The following PCDHGB2 variants were observed in gnomAD, a reference collection of about 807,000 sequenced individuals.
PCDHGB2 encodes protocadherin gamma subfamily B, 2.
A neutral mutation model predicts 59.3 loss-of-function variants in PCDHGB2; 55 were observed. That is an observed-to-expected ratio of 0.93 (90% confidence interval 0.75 to 1.16). PCDHGB2 has a LOEUF of 1.16. Ranked by LOEUF, PCDHGB2 falls within the 50% of genes most tolerant of loss-of-function variation. The pLI is 0.00. For missense variants in PCDHGB2, 1,228 were observed against 1,198.5 expected (o/e 1.02, Z -0.36); for synonymous variants, 516 against 512.0 (o/e 1.01, Z -0.11).
chr5:141,361,428 C>T lies in PCDHGB2; in HGVS notation c.1293C>T (p.Pro431=), dbSNP rs753837772. 5.0e-6 allele frequency: 8 copies of T among 1,614,050 alleles called. No individual in the cohort carries two copies. The African/African-American group carries it at 9.3e-5, about 19-fold the overall frequency. ...TITATDGGKP[P]LSSSIIVTLH... is the part of the protein sequence containing the mutation. ...CAGCCACCGACGGGGGCAAGCCGCCCCTCTCCTCCAGCATAATTGTCACCC... is the reference window on the plus strand; with the variant it reads ...CAGCCACCGACGGGGGCAAGCCGCCTCTCTCCTCCAGCATAATTGTCACCC... Residue 431 remains proline, a synonymous_variant, in exon 1 of 4, where the codon CCC becomes CCT. Transcript: ENST00000522605.
At position 141,360,524 on chromosome 5, in the gene PCDHGB2, C is replaced by A. The variant is rs750300207; in HGVS notation, c.389C>A (p.Thr130Asn). The A allele has an allele frequency of 1.2e-6, 2 of 1,613,860 alleles. No individual in the cohort carries two copies. Among genetic ancestry groups the A allele is most frequent in the Non-Finnish European group, 8.5e-7 (1 of 1,179,880 alleles). The change falls in exon 1 of 4, where the codon ACC becomes AAC. Residue 130 changes from threonine to asparagine, a missense_variant. Physicochemically the swap from Thr to Asn is moderately conservative, Grantham distance 65. Coordinates refer to ENST00000522605, the MANE Select transcript of PCDHGB2 (RefSeq NM_018923.3). Reference protein sequence around the residue: ...AVIVQDINDNTPLFKQTKINL... With the variant: ...AVIVQDINDNNPLFKQTKINL... ...ATTGTGCAGGATATAAATGATAATA[C>A]CCCGCTATTCAAACAGACTAAGATT...
rs760714983 is a variant in PCDHGB2 at position 141,389,956 on chromosome 5, T to C, written c.2421+27400T>C. 12 of 1,614,040 alleles carry C rather than the reference T, an allele frequency of 7.4e-6. No homozygotes were observed. In the South Asian group the frequency reaches 7.7e-5, roughly 10 times the overall value. ...CAGGCTGAGCTGCAGTTTTACCTAG[T>C]GGTGGCCTTGGCCTTGATCTCAGTG... is the stretch of plus-strand genomic sequence containing the variant. On this transcript the variant is annotated intron_variant, in intron 1 of 3. Coordinates refer to ENST00000522605, the MANE Select transcript of PCDHGB2 (RefSeq NM_018923.3).
At chr5:141,370,568 G>C in intron 1 of PCDHGB2, 1 of 1,613,930 alleles carries the variant, frequency 6.2e-7, no homozygotes, top group Non-Finnish European at 8.5e-7. Context: ...GGTTTGGCGT[G>C]GGGGATTTAC....
intron 1 of PCDHGB2, among the ~76,000 whole-genome samples, chr5:141,465,319 T>A (rs184635197): frequency 4.6e-5 from 7 of 152,324 alleles, no homozygotes; most frequent in Admixed American, 1.3e-4. Flanking sequence ...GCCATGTCAA[T>A]GCAGTATTTT....
In PCDHGB2 at chr5:141,491,158, GA is replaced by G; in HGVS notation, c.2422-3648del. On this transcript the variant is annotated intron_variant, in intron 1 of 3. Transcript: ENST00000522605. This position sits in a 1 kb window ranked among gnomAD's most constrained non-coding sequence, Gnocchi z 6.9. ...CCGGGCCTTACTGGAGGATGACTCT[GA>G]CACCCAGCAGGTGGTGGTCCTGGTG... 6.2e-7 allele frequency: 1 copy of G among 1,614,130 alleles called. No homozygotes were observed. The highest frequency in any genetic ancestry group is 8.5e-7 in the Non-Finnish European group (1 of 1,179,972).
rs1223618064 is a variant in PCDHGB2 at position 141,512,867 on chromosome 5, C to T, written c.*1694C>T. On this transcript the variant is annotated 3_prime_UTR_variant, in exon 4 of 4. Transcript: ENST00000522605. The stretch of plus-strand genomic sequence containing the variant: ...ATAAGCGCTTCTCTTCGCATAGTCA[C>T]GTAGCTCCCACCCCACCCTCTTCCT... 1 of 152,184 alleles carries T rather than the reference C, an allele frequency of 6.6e-6. No homozygotes were observed. The highest frequency in any genetic ancestry group is 1.5e-5 in the Non-Finnish European group (1 of 68,056). The allele number at this position is 152,184 out of a possible 1,614,324, so 9.4% of individuals were successfully genotyped here. A position where few individuals can be genotyped will look rare whatever the true frequency, so the allele number is the denominator to read the frequency against.
At chr5:141,392,238 A>G (rs1412628236) in intron 1 of PCDHGB2, 1 of 152,214 alleles carries the variant, frequency 6.6e-6, no homozygotes, top group Admixed American at 6.5e-5. Context: ...GTTCTTAGTT[A>G]TTTGTTAGTA....
At chr5:141,420,808 G>A (rs539942896) in intron 1 of PCDHGB2, among the ~76,000 whole-genome samples, 2 of 152,288 alleles carry the variant, frequency 1.3e-5, no homozygotes, top group Admixed American at 6.5e-5. Flanking sequence ...AATTAAGCAA[G>A]CCCTTTTAAT....
intron 1 of PCDHGB2, among the ~76,000 whole-genome samples, chr5:141,455,161 T>G (rs6861291): frequency 0.084 from 8,821 of 104,682 alleles, 480 homozygotes; most frequent in African/African-American, 0.22. Context: ...AGTTTGTTGG[T>G]TTTTTTTTTA....
chr5:141,388,920 A>T, intron 1 of PCDHGB2: 3 of 1,613,996 alleles, frequency 1.9e-6, no homozygotes, highest in East Asian at 2.2e-5. Flanking sequence ...CCCAGAAGTG[A>T]TATTCCAGTC....
At position 141,374,633 on chromosome 5, in the gene PCDHGB2, A is replaced by C. The variant is rs1259564749; in HGVS notation, c.2421+12077A>C. 1.2e-6 allele frequency: 2 copies of C among 1,613,130 alleles called. No individual in the cohort carries two copies. Among genetic ancestry groups the C allele is most frequent in the Non-Finnish European group, 1.7e-6 (2 of 1,179,508 alleles). On this transcript the variant is annotated intron_variant, in intron 1 of 3. Transcript: ENST00000522605. Reference sequence around the variant, plus strand: ...TAGTCACTTCTCAGTGGACGTGCAAAGCGAAGCCCATGGGCCCAAGTACCC... The same window carrying C: ...TAGTCACTTCTCAGTGGACGTGCAACGCGAAGCCCATGGGCCCAAGTACCC...
At chr5:141,418,912 ACT>A (rs1457793463) in intron 1 of PCDHGB2, 2 of 1,613,770 alleles carry the variant, frequency 1.2e-6, no homozygotes, top group Non-Finnish European at 1.7e-6. Flanking sequence ...TCATCACGTC[ACT>A]CTCTGATCAG....
chr5:141,403,787 T>A (rs1213408515), intron 1 of PCDHGB2: 3 of 1,613,818 alleles, frequency 1.9e-6, no homozygotes, highest in Non-Finnish European at 2.5e-6. Flanking sequence ...AAAAGTGGCA[T>A]ACAAATTCTG....
At chr5:141,395,437 G>T in intron 1 of PCDHGB2, 1 of 668,370 alleles carries the variant, frequency 1.5e-6, no homozygotes, top group Non-Finnish European at 2.4e-6. Context: ...TAAACGACTT[G>T]GAAAAGATTG....
chr5:141,388,676 G>C, intron 1 of PCDHGB2: 1 of 1,613,946 alleles, frequency 6.2e-7, no homozygotes, highest in Non-Finnish European at 8.5e-7. Context: ...TGCTACAGGT[G>C]ACTGCCACGG....
At chr5:141,412,938 T>C (rs2095590973) in intron 1 of PCDHGB2, 3 of 461,786 alleles carry the variant, frequency 6.5e-6, no homozygotes, top group Admixed American at 7.7e-5. Context: ...TTCTTAGGAC[T>C]CTGAGCGCCG....
chr5:141,385,020 C>T, intron 1 of PCDHGB2: 3 of 1,614,168 alleles, frequency 1.9e-6, no homozygotes, highest in Non-Finnish European at 2.5e-6. Flanking sequence ...TCCTAGCCTT[C>T]GTCCTCGTAC....
chr5:141,450,450 C>T (rs964666176), intron 1 of PCDHGB2, among the ~76,000 whole-genome samples: 5 of 151,996 alleles, frequency 3.3e-5, no homozygotes, highest in African/African-American at 9.7e-5. Context: ...TTTTATGTTT[C>T]CTCGTGATTT....
Position 141,512,931 on chromosome 5 carries a change from C to T in PCDHGB2, c.*1758C>T, listed in dbSNP as rs2099884512. On this transcript the variant is annotated 3_prime_UTR_variant, in exon 4 of 4. Transcript: ENST00000522605. ...GTTTTATACTCTAATATTTATATGG[C>T]TTTTTTTCTTCGACAAAAAAATAAT... The T allele has an allele frequency of 6.6e-6, 1 of 152,006 alleles. No homozygotes were observed. The highest frequency in any genetic ancestry group is 2.4e-5 in the African/African-American group (1 of 41,414). The allele number at this position is 152,006 out of a possible 1,614,324, so 9.4% of individuals were successfully genotyped here.
Sources: gnomAD v4.1 joint callset for allele counts (sites outside exome capture counted in the v4.1 genomes callset) on GRCh38, gnomAD v4.1.1 for gene constraint, Gnocchi (gnomAD v3.1) non-coding constraint, MANE v1.5 for transcripts, NCBI Gene and HGNC (gene_info 2026-07-23, HGNC 2026-07-21) for gene names.